NXPH2: variants seen among roughly 807,000 people sequenced by gnomAD.
NXPH2 encodes neurexophilin-2.
A neutral mutation model predicts 19.8 loss-of-function variants in NXPH2; 5 were observed. That is an observed-to-expected ratio of 0.25 (90% CI 0.13 to 0.53). The LOEUF (loss-of-function observed/expected upper bound fraction) is 0.53. Among genes scored for constraint, NXPH2 ranks in the 20% least tolerant of loss-of-function variants. The pLI is 0.96. For synonymous variants in NXPH2, 154 were observed against 127.4 expected (o/e 1.21, Z -1.41); for missense variants, 289 against 322.8 (o/e 0.90, Z 0.80).
chr2:138,670,699 C>T lies in NXPH2; in HGVS notation c.*223G>A. 2.3e-6 allele frequency: 1 copy of T among 441,020 alleles called. No individual in the cohort carries two copies. Among genetic ancestry groups the T allele is most frequent in the Admixed American group, 3.9e-5 (1 of 25,368 alleles). The allele number at this position is 441,020 out of a possible 1,614,324, so 27.3% of individuals were successfully genotyped here. On this transcript the variant is annotated 3_prime_UTR_variant, in exon 2 of 2. Coordinates refer to ENST00000272641, the MANE Select transcript of NXPH2 (RefSeq NM_007226.3). ...TCATCTTGCATGAAAGTGATGGTTT[C>T]ATAAACAGTTTAACTTTTTAGATAA...
intron 1 of NXPH2, among the ~76,000 whole-genome samples, chr2:138,753,968 C>T (rs947485430): frequency 6.6e-6 from 1 of 152,092 alleles, no homozygotes; most frequent in Non-Finnish European, 1.5e-5. Context: ...CACCCCCTCC[C>T]TATCCTCTTC....
intron 1 of NXPH2, among the ~76,000 whole-genome samples, chr2:138,680,117 A>T (rs1027284908): frequency 1.3e-5 from 2 of 152,186 alleles, no homozygotes; most frequent in Non-Finnish European, 2.9e-5. Flanking sequence ...AAGTGCTTTG[A>T]TTTATTAGAA....
intron 1 of NXPH2, among the ~76,000 whole-genome samples, chr2:138,741,020 C>T (rs1455169065): frequency 6.6e-6 from 1 of 152,036 alleles, no homozygotes; most frequent in Non-Finnish European, 1.5e-5. Flanking sequence ...AATCCCCTTG[C>T]TTCCCACCTC....
chr2:138,731,808 C>T (rs1260749914), intron 1 of NXPH2, among the ~76,000 whole-genome samples: 1 of 151,906 alleles, frequency 6.6e-6, no homozygotes, highest in Non-Finnish European at 1.5e-5. Flanking sequence ...GTAGAACGGC[C>T]CTAATCAAGT....
At chr2:138,757,723 C>A (rs1430652144) in intron 1 of NXPH2, among the ~76,000 whole-genome samples, 1 of 152,070 alleles carries the variant, frequency 6.6e-6, no homozygotes, top group Non-Finnish European at 1.5e-5. Context: ...TATGTGTATG[C>A]ACACACAGAT....
chr2:138,703,405 C>T (rs1680961385), intron 1 of NXPH2, among the ~76,000 whole-genome samples: 1 of 152,164 alleles, frequency 6.6e-6, no homozygotes, highest in Non-Finnish European at 1.5e-5. Flanking sequence ...AGGGATAAAT[C>T]AGGCTGTACA....
At chr2:138,675,420 A>G (rs539234888) in intron 1 of NXPH2, among the ~76,000 whole-genome samples, 86 of 152,242 alleles carry the variant, frequency 5.6e-4, no homozygotes, top group African/African-American at 2.0e-3. Context: ...ATCTTGGTGC[A>G]CTTTCAAATA....
intron 1 of NXPH2, among the ~76,000 whole-genome samples, chr2:138,752,985 G>A (rs944445828): frequency 1.3e-5 from 2 of 152,144 alleles, no homozygotes; most frequent in African/African-American, 4.8e-5. Context: ...TCATCTGGAT[G>A]AGGTATGGCT....
At chr2:138,709,400 G>A (rs1558918941) in intron 1 of NXPH2, among the ~76,000 whole-genome samples, 1 of 152,072 alleles carries the variant, frequency 6.6e-6, no homozygotes. Context: ...TGAGTTCACA[G>A]CAAAATTAGC....
intron 1 of NXPH2, among the ~76,000 whole-genome samples, chr2:138,765,581 T>C (rs1682078189): frequency 6.6e-6 from 1 of 152,016 alleles, no homozygotes; most frequent in South Asian, 2.1e-4. Flanking sequence ...AAAAATAGAG[T>C]AACTCACAGT....
intron 1 of NXPH2, among the ~76,000 whole-genome samples, chr2:138,741,121 G>T (rs116181912): frequency 0.021 from 3,186 of 152,230 alleles, 52 homozygotes; most frequent in Non-Finnish European, 0.033. Context: ...CCACTTAACA[G>T]ATCTGAGAAA....
chr2:138,746,744 C>G (rs1681742108), intron 1 of NXPH2, among the ~76,000 whole-genome samples: 2 of 152,168 alleles, frequency 1.3e-5, no homozygotes, highest in African/African-American at 4.8e-5. Flanking sequence ...TATCACTGAC[C>G]AAATTCCTAC....
chr2:138,769,820 G>A lies in NXPH2; in HGVS notation c.51+10371C>T, dbSNP rs532714634. Among the ~76,000 whole-genome samples, 10 of 152,176 alleles carry A rather than the reference G, an allele frequency of 6.6e-5. No homozygotes were observed. In the East Asian group the frequency reaches 1.9e-3, roughly 29 times the overall value. On this transcript the variant is annotated intron_variant, in intron 1 of 1. Transcript: ENST00000272641. ...CTTATCTATGAAATTTGCCCCTCAA[G>A]TCTTCTATTTATGCTGTTAAACATA...
At chr2:138,750,811 G>A (rs900607012) in intron 1 of NXPH2, among the ~76,000 whole-genome samples, 2 of 152,152 alleles carry the variant, frequency 1.3e-5, no homozygotes, top group Admixed American at 6.5e-5. Context: ...GGCTTGATAT[G>A]AGTAGGATCT....
At chr2:138,681,949 C>T in intron 1 of NXPH2, among the ~76,000 whole-genome samples, 1 of 152,084 alleles carries the variant, frequency 6.6e-6, no homozygotes, top group East Asian at 1.9e-4. Context: ...AAAGTGACCG[C>T]TATTATACAA....
intron 1 of NXPH2, among the ~76,000 whole-genome samples, chr2:138,763,124 G>A (rs1682043525): frequency 6.6e-6 from 1 of 152,172 alleles, no homozygotes; most frequent in African/African-American, 2.4e-5. Flanking sequence ...CAGTAAGATA[G>A]TAAATTAAGT....
At chr2:138,766,393 G>A (rs1219094530) in intron 1 of NXPH2, among the ~76,000 whole-genome samples, 2 of 152,130 alleles carry the variant, frequency 1.3e-5, no homozygotes, top group African/African-American at 4.8e-5. Context: ...TCTCAACTGG[G>A]CTGTTTTTGC....
intron 1 of NXPH2, among the ~76,000 whole-genome samples, chr2:138,744,446 TA>T (rs566070037): frequency 4.4e-4 from 65 of 147,506 alleles, no homozygotes; most frequent in East Asian, 3.7e-3. Flanking sequence ...CATCATTCCT[TA>T]AAAAAAAAAA....
chr2:138,775,581 C>A (rs536456445), intron 1 of NXPH2, among the ~76,000 whole-genome samples: 42 of 152,194 alleles, frequency 2.8e-4, no homozygotes, highest in African/African-American at 9.9e-4. Flanking sequence ...AATCTTACGG[C>A]AGTACAATAT....
Sources: allele counts gnomAD v4.1 joint callset (sites outside exome capture counted in the v4.1 genomes callset), GRCh38; gene constraint gnomAD v4.1.1; transcripts MANE v1.5; gene names NCBI Gene and HGNC (gene_info 2026-07-23, HGNC 2026-07-21).